Variants in CCDC141 observed in about 807,000 individuals in gnomAD.
The protein encoded by CCDC141 is coiled-coil domain containing 141.
Under a neutral mutation model 181.0 loss-of-function variants are expected in CCDC141, and 168 were observed. The ratio of observed to expected loss-of-function variants is 0.93; its 90% confidence interval spans 0.82 to 1.05. CCDC141 has a LOEUF of 1.05. CCDC141 is among the 50% of genes least tolerant of loss of function. CCDC141 has a pLI of 0.00. For synonymous variants in CCDC141, 666 were observed against 642.3 expected (o/e 1.04, Z -0.56); for missense variants, 1,902 against 1,788.5 (o/e 1.06, Z -1.14).
chr2:179,042,870 C>T (rs1457419362), intron 2 of CCDC141, among the ~76,000 whole-genome samples: 1 of 151,988 alleles, frequency 6.6e-6, no homozygotes, highest in Non-Finnish European at 1.5e-5. Flanking sequence ...AAGATCAGAG[C>T]TGAACTGAAA....
chr2:178,964,632 T>C (rs751807429), intron 4 of CCDC141, among the ~76,000 whole-genome samples: 8 of 152,232 alleles, frequency 5.3e-5, no homozygotes, highest in Admixed American at 1.3e-4. Context: ...TTGAGGTGGA[T>C]GGATTCTCCC....
intron 4 of CCDC141, among the ~76,000 whole-genome samples, chr2:178,968,573 G>A (rs1286795406): frequency 6.6e-6 from 1 of 152,108 alleles, no homozygotes; most frequent in Non-Finnish European, 1.5e-5. Flanking sequence ...GAATCTCTGG[G>A]ACACATTTAA....
intron 20 of CCDC141, among the ~76,000 whole-genome samples, chr2:178,850,479 A>C (rs916386715): frequency 6.6e-6 from 1 of 152,198 alleles, no homozygotes; most frequent in African/African-American, 2.4e-5. Context: ...CTTAGAGAAG[A>C]ATAAATTCCT....
At position 178,858,884 on chromosome 2, in the gene CCDC141, T is replaced by A. The variant is rs187683436; in HGVS notation, c.2725-2487A>T. On this transcript the variant is annotated intron_variant, in intron 17 of 23. Transcript: ENST00000443758. ...ATCTGCTTTAAATGGGAAAGTTCAATGTCTATTTGAAACCTATATGATAGA... is the reference window on the plus strand; with the variant it reads ...ATCTGCTTTAAATGGGAAAGTTCAAAGTCTATTTGAAACCTATATGATAGA... Among the ~76,000 whole-genome samples, 97 of 152,336 alleles carry A rather than the reference T, an allele frequency of 6.4e-4. 1 individual carries two copies. The highest frequency in any genetic ancestry group is 2.3e-3 in the Admixed American group (35 of 15,292).
intron 22 of CCDC141, among the ~76,000 whole-genome samples, chr2:178,844,090 A>C (rs1684836015): frequency 6.6e-6 from 1 of 152,214 alleles, no homozygotes; most frequent in African/African-American, 2.4e-5. Context: ...AAGCAAGAAA[A>C]ACTACTTTTA....
rs147356028 is a variant in CCDC141, at chr2:178,851,339, T to C, written c.3245-1178A>G. 1.2e-3 allele frequency among the ~76,000 whole-genome samples: 181 copies of C among 152,274 alleles called. 3 individuals are homozygous for C. In the East Asian group the frequency reaches 0.032, roughly 27 times the overall value. ...TCACACATTGTTATGGGCTGAACTATGTCCCCCCATCCTGCCAAGTTCATA... is the reference window on the plus strand; with the variant it reads ...TCACACATTGTTATGGGCTGAACTACGTCCCCCCATCCTGCCAAGTTCATA... On this transcript the variant is annotated intron_variant, in intron 20 of 23. Transcript: ENST00000443758.
intron 8 of CCDC141, among the ~76,000 whole-genome samples, chr2:178,893,221 C>CT (rs5836663): frequency 0.54 from 78,390 of 145,336 alleles, 22,543 homozygotes; most frequent in East Asian, 0.73. Flanking sequence ...AAAATAATTG[C>CT]TTTTTTTTTT....
intron 7 of CCDC141, among the ~76,000 whole-genome samples, chr2:178,909,824 G>A (rs1688143652): frequency 6.6e-6 from 1 of 152,106 alleles, no homozygotes; most frequent in South Asian, 2.1e-4. Context: ...AAACTCCTTT[G>A]GAAGCAGTGT....
At chr2:178,846,468 T>C (rs180728272) in intron 21 of CCDC141, among the ~76,000 whole-genome samples, 113 of 152,282 alleles carry the variant, frequency 7.4e-4, no homozygotes, top group Non-Finnish European at 1.4e-3. Context: ...ATAAAATCCT[T>C]AGATGAGTCT....
chr2:178,886,177 C>G (rs1324198346), intron 10 of CCDC141, among the ~76,000 whole-genome samples: 1 of 151,664 alleles, frequency 6.6e-6, no homozygotes, highest in African/African-American at 2.4e-5. Flanking sequence ...GGGGAGGGCA[C>G]TTGACTCATG....
intron 21 of CCDC141, among the ~76,000 whole-genome samples, chr2:178,848,632 A>G (rs1411643473): frequency 6.6e-6 from 1 of 152,186 alleles, no homozygotes; most frequent in Non-Finnish European, 1.5e-5. Context: ...AAGAAAGTAG[A>G]TTTTATGAAG....
intron 2 of CCDC141, among the ~76,000 whole-genome samples, chr2:179,025,451 G>GCT (rs1174563276): frequency 7.2e-5 from 11 of 151,992 alleles, no homozygotes; most frequent in Admixed American, 7.2e-4. Flanking sequence ...CCCTGCATAA[G>GCT]CTCTCTCTCT....
At chr2:178,933,710 G>C (rs1575234702) in intron 6 of CCDC141, among the ~76,000 whole-genome samples, 1 of 152,152 alleles carries the variant, frequency 6.6e-6, no homozygotes. Flanking sequence ...ATCAGTTGAA[G>C]CTATACTTTG....
intron 2 of CCDC141, among the ~76,000 whole-genome samples, chr2:179,046,417 A>G (rs146781367): frequency 5.3e-5 from 8 of 152,252 alleles, no homozygotes; most frequent in Non-Finnish European, 1.2e-4. Context: ...TCTCCTGGAT[A>G]TAAGTCGGCT....
intron 20 of CCDC141, among the ~76,000 whole-genome samples, chr2:178,853,218 C>A (rs879518622): frequency 6.6e-6 from 1 of 152,198 alleles, no homozygotes; most frequent in Non-Finnish European, 1.5e-5. Context: ...AAGGCTTACA[C>A]AAAGTAGGTA....
intron 2 of CCDC141, among the ~76,000 whole-genome samples, chr2:178,981,636 G>GTGTATATATA (rs1313433628): frequency 0.033 from 2,047 of 62,302 alleles, 52 homozygotes; most frequent in East Asian, 0.057. Flanking sequence ...GTGTGTGTGT[G>GTGTATATATA]TATATATATA....
At chr2:178,979,184 C>A (rs1346500774) in intron 2 of CCDC141, among the ~76,000 whole-genome samples, 6 of 151,896 alleles carry the variant, frequency 4.0e-5, no homozygotes, top group East Asian at 1.9e-4. Flanking sequence ...TATCTATAAC[C>A]AACATTATCT....
chr2:178,914,127 GATGA>G (rs1364512131), intron 7 of CCDC141, among the ~76,000 whole-genome samples: 1 of 152,132 alleles, frequency 6.6e-6, no homozygotes, highest in Non-Finnish European at 1.5e-5. Context: ...AATCCCGAAG[GATGA>G]ATATTTTGGA....
chr2:178,974,214 C>G (rs1691022091), intron 4 of CCDC141, among the ~76,000 whole-genome samples: 1 of 152,024 alleles, frequency 6.6e-6, no homozygotes, highest in Non-Finnish European at 1.5e-5. Flanking sequence ...TTTAAAACAC[C>G]TTTTGGTCCT....
Sources: allele counts gnomAD v4.1 joint callset (sites outside exome capture counted in the v4.1 genomes callset), GRCh38; gene constraint gnomAD v4.1.1; transcripts MANE v1.5; gene names NCBI Gene and HGNC (gene_info 2026-07-23, HGNC 2026-07-21).